The following CCDC7 variants were observed in gnomAD, a reference collection of about 807,000 sequenced individuals.
CCDC7 encodes coiled-coil domain-containing protein 7.
CCDC7 carries 183 observed loss-of-function variants against 196.9 expected under a neutral mutation model. The observed-to-expected ratio is 0.93, with a 90% confidence interval of 0.82 to 1.05. The LOEUF (loss-of-function observed/expected upper bound fraction) is 1.05. Ranked by LOEUF, CCDC7 falls within the 50% of genes least tolerant of loss-of-function variation. CCDC7 has a pLI of 0.00. For synonymous variants in CCDC7, 525 were observed against 484.6 expected (o/e 1.08, Z -1.10); for missense variants, 1,540 against 1,482.2 (o/e 1.04, Z -0.64).
At chr10:32,631,017 G>A (rs973158832) in intron 18 of CCDC7, among the ~76,000 whole-genome samples, 6 of 152,188 alleles carry the variant, frequency 3.9e-5, no homozygotes, top group Non-Finnish European at 7.3e-5. Context: ...TCAGAATCCA[G>A]CTGCCATTCT....
exon 24 of CCDC7, chr10:32,694,906 T>C: frequency 6.3e-7 from 1 of 1,599,952 alleles, no homozygotes; most frequent in Non-Finnish European, 8.5e-7. Context: ...GGCAAAAATC[T>C]TGTGCTTGAA....
intron 16 of CCDC7, chr10:32,574,368 C>G (rs759492479): frequency 3.8e-6 from 5 of 1,323,452 alleles, no homozygotes; most frequent in Non-Finnish European, 4.9e-6. Context: ...AATAAAAATT[C>G]AAACTATTAA....
chr10:32,500,926 A>T (rs949609961), intron 9 of CCDC7, among the ~76,000 whole-genome samples: 1 of 152,170 alleles, frequency 6.6e-6, no homozygotes, highest in Non-Finnish European at 1.5e-5. Flanking sequence ...CGTGCCTGCA[A>T]TCCCAGGCAC....
At chr10:32,785,304 A>G (rs1400798445) in intron 29 of CCDC7, among the ~76,000 whole-genome samples, 1 of 152,186 alleles carries the variant, frequency 6.6e-6, no homozygotes, top group Non-Finnish European at 1.5e-5. Flanking sequence ...CTATGATGCA[A>G]TAAAACAGAA....
intron 8 of CCDC7, among the ~76,000 whole-genome samples, chr10:32,485,893 T>G (rs1400917526): frequency 6.6e-6 from 1 of 152,240 alleles, no homozygotes; most frequent in Non-Finnish European, 1.5e-5. Flanking sequence ...CTTTTACATT[T>G]GCTGAGGAGT....
At chr10:32,450,584 A>G (rs1055381951), upstream of CCDC7, among the ~76,000 whole-genome samples, 1 of 152,148 alleles carries the variant, frequency 6.6e-6, no homozygotes, top group East Asian at 1.9e-4. Flanking sequence ...TCTTAACACT[A>G]TTTGGGAGGT....
intron 41 of CCDC7, among the ~76,000 whole-genome samples, chr10:32,875,995 G>A (rs2094585712): frequency 6.6e-6 from 1 of 151,888 alleles, no homozygotes; most frequent in Non-Finnish European, 1.5e-5. Flanking sequence ...AGCAGCATGG[G>A]CATCGCCTGG....
intron 28 of CCDC7, among the ~76,000 whole-genome samples, chr10:32,736,480 G>A (rs567911430): frequency 6.6e-5 from 10 of 152,062 alleles, no homozygotes; most frequent in Non-Finnish European, 1.2e-4. Context: ...ATGCTGGTGC[G>A]CTGCCCCCAC....
intron 28 of CCDC7, among the ~76,000 whole-genome samples, chr10:32,759,033 C>T (rs1485536366): frequency 2.0e-5 from 3 of 152,062 alleles, no homozygotes; most frequent in African/African-American, 4.8e-5. Flanking sequence ...ATCCAACTTA[C>T]AAGGGATGTG....
chr10:32,710,260 G>C (rs2141874941), intron 24 of CCDC7, among the ~76,000 whole-genome samples: 1 of 152,272 alleles, frequency 6.6e-6, no homozygotes, highest in African/African-American at 2.4e-5. Context: ...CAATCCCAAA[G>C]GGCTCTCCAT....
intron 9 of CCDC7, among the ~76,000 whole-genome samples, chr10:32,509,526 A>AC (rs1426866515): frequency 6.6e-6 from 1 of 151,880 alleles, no homozygotes; most frequent in Non-Finnish European, 1.5e-5. Flanking sequence ...CAAAAAAAAA[A>AC]AAAACAGGAA....
intron 16 of CCDC7, among the ~76,000 whole-genome samples, chr10:32,578,476 C>A (rs1010491308): frequency 3.3e-5 from 5 of 151,152 alleles, no homozygotes; most frequent in African/African-American, 1.2e-4. Flanking sequence ...GCTTGTTTTC[C>A]TGCAACTAGA....
chr10:32,497,214 A>G (rs1286755575), intron 9 of CCDC7, among the ~76,000 whole-genome samples: 1 of 152,070 alleles, frequency 6.6e-6, no homozygotes, highest in Non-Finnish European at 1.5e-5. Flanking sequence ...GGTAGTTTGT[A>G]TTTCTGTGGG....
At chr10:32,857,791 C>A (rs1022744540) in intron 41 of CCDC7, among the ~76,000 whole-genome samples, 1 of 149,684 alleles carries the variant, frequency 6.7e-6, no homozygotes, top group African/African-American at 2.5e-5. Flanking sequence ...AGAATTAAAT[C>A]GAATAGAGAA....
At chr10:32,819,273 T>A (rs569705782) in intron 31 of CCDC7, among the ~76,000 whole-genome samples, 1 of 152,278 alleles carries the variant, frequency 6.6e-6, no homozygotes, top group African/African-American at 2.4e-5. Context: ...AGGAAGAAGT[T>A]AAATCTCTGA....
At chr10:32,810,726 C>G (rs2086897273) in intron 30 of CCDC7, among the ~76,000 whole-genome samples, 1 of 152,100 alleles carries the variant, frequency 6.6e-6, no homozygotes, top group African/African-American at 2.4e-5. Context: ...TTCTTCTCGT[C>G]AGCACATGGA....
At chr10:32,657,029 C>A (rs1252767906) in intron 20 of CCDC7, among the ~76,000 whole-genome samples, 3 of 152,254 alleles carry the variant, frequency 2.0e-5, no homozygotes, top group African/African-American at 7.2e-5. Context: ...AAATGATCTT[C>A]TTTGACTTCA....
intron 11 of CCDC7, among the ~76,000 whole-genome samples, chr10:32,531,694 G>A (rs919193153): frequency 6.6e-6 from 1 of 152,140 alleles, no homozygotes; most frequent in Non-Finnish European, 1.5e-5. Context: ...GTTTAACTTT[G>A]TTGGGAGACT....
chr10:32,489,422 T>C (rs73251548), intron 8 of CCDC7, among the ~76,000 whole-genome samples: 7,958 of 152,254 alleles, frequency 0.052, 686 homozygotes, highest in African/African-American at 0.18. Flanking sequence ...TGATGTCTGA[T>C]GCATGTGCAG....
Sources: allele counts gnomAD v4.1 joint callset (sites outside exome capture counted in the v4.1 genomes callset), GRCh38; gene constraint gnomAD v4.1.1; transcripts MANE v1.5; gene names NCBI Gene and HGNC (gene_info 2026-07-23, HGNC 2026-07-21).